The following ZSCAN26 variants were observed in gnomAD, a reference collection of about 807,000 sequenced individuals.
ZSCAN26 encodes zinc finger and SCAN domain containing 26, also known as zinc finger and SCAN domain-containing protein 26.
In ZSCAN26, 26 loss-of-function variants were observed where a neutral mutation model predicts 23.0. The observed-to-expected ratio is 1.13, with a 90% CI of 0.83 to 1.57. The LOEUF (loss-of-function observed/expected upper bound fraction) is 1.57, where lower values mean the gene tolerates loss of function less well. Ranked by LOEUF, ZSCAN26 falls within the 40% of genes most tolerant of loss-of-function variation. ZSCAN26 has a pLI of 0.00. For synonymous variants in ZSCAN26, 180 were observed against 202.5 expected (o/e 0.89, Z 0.94); for missense variants, 528 against 568.5 (o/e 0.93, Z 0.72).
intron 3 of ZSCAN26, among the ~76,000 whole-genome samples, chr6:28,273,519 C>T (rs1561875744): frequency 6.6e-6 from 1 of 150,836 alleles, no homozygotes; most frequent in Non-Finnish European, 1.5e-5. Flanking sequence ...TCAGCCTGGG[C>T]GACACAGCAA....
rs963576803 is a variant in ZSCAN26, at chr6:28,272,252, G to A, written c.333G>A (p.Val111=). The change falls in exon 2 of 4, where the codon GTG becomes GTA. Residue 111 remains valine, a synonymous_variant. Coordinates refer to ENST00000421553, the MANE Select transcript of ZSCAN26 (RefSeq NM_001023560.4). ...TGCCTAAGGAGCTCCAGGCCCGGGT[G>A]CAGGAGCATCACCCAGAGAGCAGGG... The part of the protein sequence containing the change: ...IILPKELQAR[V]QEHHPESRED... The A allele has an allele frequency of 1.9e-6, 3 of 1,611,950 alleles. No individual in the cohort carries two copies. Among genetic ancestry groups the A allele is most frequent in the South Asian group, 2.2e-5 (2 of 90,588 alleles).
chr6:28,275,844 G>C (rs541591406), intron 3 of ZSCAN26, among the ~76,000 whole-genome samples: 1 of 152,214 alleles, frequency 6.6e-6, no homozygotes, highest in South Asian at 2.1e-4. Context: ...AATTAACCTA[G>C]CTTTTTTTAT....
chr6:28,276,844 A>G lies in ZSCAN26; in HGVS notation c.1188A>G (p.Gln396=), dbSNP rs1420824443. 21 of 1,613,866 alleles carry G rather than the reference A, an allele frequency of 1.3e-5. No homozygotes were observed. The highest frequency in any genetic ancestry group is 1.1e-4 in the South Asian group (10 of 91,090). Residue 396 remains glutamine, a synonymous_variant, in exon 4 of 4, where the codon CAA becomes CAG. Transcript: ENST00000421553. ...QRIHSHSKSH[Q]CNECGKAFSL... The stretch of plus-strand genomic sequence containing the variant: ...TCCATAGTCACTCCAAAAGCCATCA[A>G]TGTAACGAGTGTGGAAAAGCTTTCA...
At chr6:28,270,477 G>C (rs749176403) in intron 1 of ZSCAN26, among the ~76,000 whole-genome samples, 2 of 152,184 alleles carry the variant, frequency 1.3e-5, no homozygotes, top group African/African-American at 2.4e-5. Flanking sequence ...TGCCCCAAAG[G>C]ATGGTAGGGA....
chr6:28,268,905 G>A (rs1761560436), intron 1 of ZSCAN26, among the ~76,000 whole-genome samples: 1 of 152,124 alleles, frequency 6.6e-6, no homozygotes, highest in Non-Finnish European at 1.5e-5. Flanking sequence ...TTGAGGTCAG[G>A]AATTCGAGAC....
Position 28,276,966 on chromosome 6 carries a change from A to G in ZSCAN26, c.1310A>G (p.His437Arg). ...ICQKAFRLNS[H>R]LAQHVRIHNE... ...CAGAAAGCCTTCCGACTAAACTCAC[A>G]CCTTGCTCAGCATGTAAGAATCCAC... Residue 437 changes from histidine to arginine, a missense_variant, in exon 4 of 4, where the codon CAC (histidine) becomes CGC (arginine). Physicochemically the swap from His to Arg is conservative, Grantham distance 29 (BLOSUM62 0). Transcript: ENST00000421553. The G allele has an allele frequency of 6.2e-7, 1 of 1,614,020 alleles. No individual in the cohort carries two copies. The highest frequency in any genetic ancestry group is 8.5e-7 in the Non-Finnish European group (1 of 1,179,870).
chr6:28,271,306 T>A (rs1761672430), intron 1 of ZSCAN26, among the ~76,000 whole-genome samples: 1 of 152,202 alleles, frequency 6.6e-6, no homozygotes, highest in Admixed American at 6.5e-5. Flanking sequence ...GGTGTCTTTT[T>A]TGTCTGAAAA....
rs1487772275 is a variant in ZSCAN26, at chr6:28,277,577, A to C, written c.*481A>C. The C allele has an allele frequency of 6.5e-6, 1 of 152,874 alleles. No homozygotes were observed. The highest frequency in any genetic ancestry group is 2.4e-5 in the African/African-American group (1 of 41,404). 9.5% of individuals were successfully genotyped at this position (152,874 alleles called of 1,614,324 possible). On this transcript the variant is annotated 3_prime_UTR_variant, in exon 4 of 4. Coordinates refer to ENST00000421553, the MANE Select transcript of ZSCAN26 (RefSeq NM_001023560.4). The stretch of plus-strand genomic sequence containing the variant: ...TTTAAAGTACAGGTTAATGGTGAAC[A>C]TTTTCCCCCAGTGGCTTCACCTCAT...
intron 1 of ZSCAN26, among the ~76,000 whole-genome samples, chr6:28,267,899 C>G (rs1338097655): frequency 1.3e-5 from 2 of 151,970 alleles, no homozygotes; most frequent in Non-Finnish European, 2.9e-5. Flanking sequence ...TTTTAAAATT[C>G]CAAGTAATTC....
chr6:28,276,890 C>A lies in ZSCAN26; in HGVS notation c.1234C>A (p.Arg412=). 6.2e-7 allele frequency: 1 copy of A among 1,613,940 alleles called. No individual in the cohort carries two copies. Among genetic ancestry groups the A allele is most frequent in the Non-Finnish European group, 8.5e-7 (1 of 1,179,854 alleles). ...TTTCAGTTTGACCTCAGACCTTATTCGACACCACAGAATTCATACTGGAGA... is the reference window on the plus strand; with the variant it reads ...TTTCAGTTTGACCTCAGACCTTATTAGACACCACAGAATTCATACTGGAGA... ...KAFSLTSDLI[R]HHRIHTGEKP... is the part of the protein sequence containing the mutation. Residue 412 remains arginine, a synonymous_variant, in exon 4 of 4, where the codon CGA becomes AGA. Transcript: ENST00000421553.
intron 1 of ZSCAN26, 103 bp from the exon 2 acceptor site, chr6:28,271,751 G>A (rs1032054020): frequency 6.4e-6 from 4 of 628,364 alleles, no homozygotes; most frequent in Non-Finnish European, 1.1e-5. Context: ...TTGTTTTAGA[G>A]AGAAAAAATG....
chr6:28,273,940 C>T (rs949662696), intron 3 of ZSCAN26, among the ~76,000 whole-genome samples: 2 of 152,010 alleles, frequency 1.3e-5, no homozygotes, highest in South Asian at 2.1e-4. Flanking sequence ...TGGCTGGTCT[C>T]GAACTCCTGG....
Position 28,271,874 on chromosome 6 carries a change from T to A in ZSCAN26, c.-46T>A, listed in dbSNP as rs1391244814. 1 of 1,494,326 alleles carries A rather than the reference T, an allele frequency of 6.7e-7. No individual in the cohort carries two copies. Among genetic ancestry groups the A allele is most frequent in the Non-Finnish European group, 9.0e-7 (1 of 1,116,972 alleles). 92.6% of individuals were successfully genotyped at this position (1,494,326 alleles called of 1,614,324 possible). ...TTTAGGAGTGTCTCTGAAGATACAG[T>A]CCAAAGAAAGTTCTCCAAAACAAGG... On this transcript the variant is annotated 5_prime_UTR_variant, in exon 2 of 4. Transcript: ENST00000421553.
At chr6:28,273,295 C>T (rs1183775772) in intron 3 of ZSCAN26, among the ~76,000 whole-genome samples, 1 of 152,172 alleles carries the variant, frequency 6.6e-6, no homozygotes, top group East Asian at 1.9e-4. Flanking sequence ...GTAAACCCAA[C>T]ACTTTGGGGG....
chr6:28,271,463 G>A (rs184525866), intron 1 of ZSCAN26, among the ~76,000 whole-genome samples: 265 of 151,938 alleles, frequency 1.7e-3, no homozygotes, highest in African/African-American at 6.0e-3. Flanking sequence ...GGCTCAAGCA[G>A]TTCTCCCTCC....
intron 1 of ZSCAN26, among the ~76,000 whole-genome samples, chr6:28,268,205 G>A (rs887577716): frequency 1.3e-5 from 2 of 152,012 alleles, no homozygotes; most frequent in African/African-American, 4.8e-5. Context: ...ATTAATATAT[G>A]TGAAACATGT....
intron 2 of ZSCAN26, 89 bp from the exon 3 acceptor site, chr6:28,272,578 TCTC>T: frequency 8.7e-7 from 1 of 1,153,832 alleles, no homozygotes; most frequent in Non-Finnish European, 1.2e-6. Context: ...TTCTCTTTCT[TCTC>T]TTTTTTAACA....
chr6:28,276,703 GC>G lies in ZSCAN26; in HGVS notation c.1048del (p.Arg350AlafsTer57). On this transcript the variant is annotated frameshift_variant, in exon 4 of 4. Coordinates refer to ENST00000421553, the MANE Select transcript of ZSCAN26 (RefSeq NM_001023560.4). LOFTEE classifies it low-confidence loss of function (END_TRUNC). ...LCIHCGKNFR[R>X]SSHLNRHQRI... The stretch of plus-strand genomic sequence containing the variant: ...GTATCCATTGTGGAAAAAATTTTAG[GC>G]GCAGCTCTCACCTTAATCGACATCA... 6.2e-7 allele frequency: 1 copy of G among 1,612,822 alleles called. No individual in the cohort carries two copies. Among genetic ancestry groups the G allele is most frequent in the Non-Finnish European group, 8.5e-7 (1 of 1,179,334 alleles).
chr6:28,272,088 T>C lies in ZSCAN26; in HGVS notation c.169T>C (p.Leu57=), dbSNP rs1561874178. 5.1e-6 allele frequency: 8 copies of C among 1,576,782 alleles called. No homozygotes were observed. Among genetic ancestry groups the C allele is most frequent in the Non-Finnish European group, 6.9e-6 (8 of 1,160,784 alleles). ...GCCATTGTGCAAACAATTCAGGCAG[T>C]TGCGTTATGAAGAGACCACAGGACC... ...QEPLCKQFRQ[L]RYEETTGPRE... is the part of the protein sequence containing the mutation. The change falls in exon 2 of 4, where the codon TTG becomes CTG. Residue 57 remains leucine (L), a synonymous_variant. Coordinates refer to ENST00000421553, the MANE Select transcript of ZSCAN26 (RefSeq NM_001023560.4).
Sources: allele counts gnomAD v4.1 joint callset (sites outside exome capture counted in the v4.1 genomes callset), GRCh38; gene constraint gnomAD v4.1.1; transcripts MANE v1.5; gene names NCBI Gene and HGNC (gene_info 2026-07-23, HGNC 2026-07-21).